ARSJ: variants seen among roughly 807,000 people sequenced by gnomAD.
The protein encoded by ARSJ is arylsulfatase J.
A neutral mutation model predicts 35.9 loss-of-function variants in ARSJ; 26 were observed. The ratio of observed to expected loss-of-function variants is 0.72; its 90% CI spans 0.53 to 1.00. ARSJ has a LOEUF of 1.00. Among genes scored for constraint, ARSJ ranks in the 50% least tolerant of loss-of-function variants. The probability of loss-of-function intolerance (pLI) is 0.00; values close to 1 mark genes in which losing one functional copy is unlikely to be tolerated. For synonymous variants in ARSJ, 294 were observed against 267.6 expected, an observed-to-expected ratio of 1.10 and a Z score of -0.96; for missense variants, 667 against 723.6, an observed-to-expected ratio of 0.92 and a Z score of 0.90.
At position 113,902,562 on chromosome 4, in the gene ARSJ, C is replaced by T. The variant is rs1282021757; in HGVS notation, c.1512G>A (p.Glu504=). The T allele has an allele frequency of 2.5e-6, 4 of 1,614,166 alleles. No homozygotes were observed. Among genetic ancestry groups the T allele is most frequent in the Non-Finnish European group, 3.4e-6 (4 of 1,180,028 alleles). Residue 504 remains glutamate, a synonymous_variant, in exon 2 of 2, where the codon GAG becomes GAA. Transcript: ENST00000315366. ...WLFNITADPY[E]RVDLSNRYPG... ...GATACCTGTTAGATAGGTCCACCCTCTCATATGGGTCGGCTGTGATGTTGA... is the reference window on the plus strand; with the variant it reads ...GATACCTGTTAGATAGGTCCACCCTTTCATATGGGTCGGCTGTGATGTTGA...
intron 1 of ARSJ, among the ~76,000 whole-genome samples, chr4:113,915,691 A>G (rs921330059): frequency 1.3e-5 from 2 of 152,202 alleles, no homozygotes; most frequent in Admixed American, 6.5e-5. Context: ...TTGCCTTGAA[A>G]TACCTCCAGG....
At chr4:113,971,578 T>C (rs1253770653) in intron 1 of ARSJ, among the ~76,000 whole-genome samples, 1 of 152,234 alleles carries the variant, frequency 6.6e-6, no homozygotes, top group Non-Finnish European at 1.5e-5. Flanking sequence ...TGAGCCATTC[T>C]TTTTGAAATG....
chr4:113,932,071 T>C (rs771897221), intron 1 of ARSJ, among the ~76,000 whole-genome samples: 7 of 152,064 alleles, frequency 4.6e-5, no homozygotes, highest in South Asian at 2.1e-4. Flanking sequence ...TCTATACTTA[T>C]ATCAGATAAA....
intron 1 of ARSJ, among the ~76,000 whole-genome samples, chr4:113,908,477 T>TA (rs1383797210): frequency 1.3e-5 from 2 of 152,244 alleles, no homozygotes; most frequent in Non-Finnish European, 2.9e-5. Context: ...ATCCATTTTT[T>TA]ACACGTCAGC....
chr4:113,910,916 T>A (rs2099670239), intron 1 of ARSJ, among the ~76,000 whole-genome samples: 1 of 152,126 alleles, frequency 6.6e-6, no homozygotes, highest in Non-Finnish European at 1.5e-5. Flanking sequence ...ATTTTATAAG[T>A]GCTCATAGTA....
chr4:113,919,866 C>T (rs560984282), intron 1 of ARSJ, among the ~76,000 whole-genome samples: 3 of 152,108 alleles, frequency 2.0e-5, no homozygotes, highest in Admixed American at 2.0e-4. Context: ...CTGAAAAAGG[C>T]TAAGAAATGT....
intron 1 of ARSJ, among the ~76,000 whole-genome samples, chr4:113,955,278 C>A (rs1377589937): frequency 3.3e-5 from 5 of 151,904 alleles, no homozygotes; most frequent in Non-Finnish European, 7.4e-5. Flanking sequence ...GATACAGTTA[C>A]CTTCTCCTCA....
chr4:113,925,769 G>C (rs1442008939), intron 1 of ARSJ, among the ~76,000 whole-genome samples: 1 of 152,104 alleles, frequency 6.6e-6, no homozygotes, highest in Non-Finnish European at 1.5e-5. Context: ...CCCATATCTG[G>C]AGTAAATGTC....
rs142455943 is a variant in ARSJ at position 113,948,532 on chromosome 4, C to T, written c.398+29905G>A. Reference sequence around the variant, plus strand: ...TTATTTTAAAACTAAACCACTTATCCTTTATTATGCTACGATAATAGTTGC... The same window carrying T: ...TTATTTTAAAACTAAACCACTTATCTTTTATTATGCTACGATAATAGTTGC... On this transcript the variant is annotated intron_variant, in intron 1 of 1. Coordinates refer to ENST00000315366, the MANE Select transcript of ARSJ (RefSeq NM_024590.4). Among the ~76,000 whole-genome samples the T allele has an allele frequency of 5.5e-3, 832 of 152,080 alleles. 3 individuals are homozygous for T. Among genetic ancestry groups the T allele is most frequent in the Non-Finnish European group, 8.5e-3 (575 of 67,968 alleles).
intron 1 of ARSJ, among the ~76,000 whole-genome samples, chr4:113,917,323 T>C (rs975759059): frequency 1.3e-5 from 2 of 152,148 alleles, no homozygotes; most frequent in African/African-American, 2.4e-5. Context: ...TCCAAAACTG[T>C]CACCTCCATA....
rs765270445 is a variant in ARSJ, at chr4:113,902,631, G to T, written c.1443C>A (p.His481Gln). 1 of 1,614,156 alleles carries T rather than the reference G, an allele frequency of 6.2e-7. No homozygotes were observed. Among genetic ancestry groups the T allele is most frequent in the Admixed American group, 1.7e-5 (1 of 60,018 alleles). ...CAGTTGACAAGGTGATCCGTTCATTGTGCCACCGGTTCGGTCCCAGGTTGC... is the reference window on the plus strand; with the variant it reads ...CAGTTGACAAGGTGATCCGTTCATTTTGCCACCGGTTCGGTCCCAGGTTGC... ...SFSNLGPNRW[H>Q]NERITLSTGK... Residue 481 changes from histidine to glutamine, a missense_variant, in exon 2 of 2, where the codon CAC becomes CAA. Physicochemically the swap from His to Gln is conservative, Grantham distance 24 (BLOSUM62 0). Transcript: ENST00000315366.
chr4:113,974,242 T>C (rs564869973), intron 1 of ARSJ, among the ~76,000 whole-genome samples: 1 of 151,052 alleles, frequency 6.6e-6, no homozygotes, highest in Non-Finnish European at 1.5e-5. Flanking sequence ...AAATAGGACA[T>C]AAAAAGAAAA....
intron 1 of ARSJ, among the ~76,000 whole-genome samples, chr4:113,914,352 AT>A (rs1723146121): frequency 6.6e-6 from 1 of 152,182 alleles, no homozygotes; most frequent in African/African-American, 2.4e-5. Flanking sequence ...AGTTATCCTA[AT>A]ATGGACAGGA....
chr4:113,932,449 T>G (rs974300206), intron 1 of ARSJ, among the ~76,000 whole-genome samples: 9 of 152,052 alleles, frequency 5.9e-5, no homozygotes, highest in African/African-American at 1.9e-4. Context: ...AATAGGCCAT[T>G]TCTTAGACAA....
intron 1 of ARSJ, among the ~76,000 whole-genome samples, chr4:113,915,706 A>G (rs931492722): frequency 6.6e-6 from 1 of 152,176 alleles, no homozygotes; most frequent in African/African-American, 2.4e-5. Flanking sequence ...TCCAGGATGA[A>G]ATTCTCCCCA....
intron 1 of ARSJ, chr4:113,906,847 T>C (rs1338467273): frequency 5.0e-6 from 2 of 399,152 alleles, no homozygotes; most frequent in African/African-American, 2.1e-5. Context: ...GCTTTAACAA[T>C]TATCCCAGAA....
At position 113,901,889 on chromosome 4, in the gene ARSJ, GGATGGTATA is replaced by G. The variant is rs2099667189; in HGVS notation, c.*376_*384del. On this transcript the variant is annotated 3_prime_UTR_variant, in exon 2 of 2. Transcript: ENST00000315366. Reference sequence around the variant, plus strand: ...ACTTCCATCAAATTAGCATGCTTGCGGATGGTATACCCTGTAACTTCCATCAAATTAGCA... The same window carrying G: ...ACTTCCATCAAATTAGCATGCTTGCGCCCTGTAACTTCCATCAAATTAGCA... The G allele has an allele frequency of 2.5e-5, 1 of 39,572 alleles. No homozygotes were observed. Among genetic ancestry groups the G allele is most frequent in the Admixed American group, 3.7e-4 (1 of 2,708 alleles). 2.5% of individuals were successfully genotyped at this position (39,572 alleles called of 1,614,324 possible).
chr4:113,954,588 C>T (rs1262980055), intron 1 of ARSJ, among the ~76,000 whole-genome samples: 1 of 152,086 alleles, frequency 6.6e-6, no homozygotes, highest in Non-Finnish European at 1.5e-5. Flanking sequence ...TCACATCTAT[C>T]TCCCTTAACT....
intron 1 of ARSJ, among the ~76,000 whole-genome samples, chr4:113,972,933 CT>C (rs2110337867): frequency 6.6e-6 from 1 of 152,270 alleles, no homozygotes; most frequent in South Asian, 2.1e-4. Flanking sequence ...TCTTGTCTCC[CT>C]TTAAAAGCTC....
Sources: allele counts gnomAD v4.1 joint callset (sites outside exome capture counted in the v4.1 genomes callset), GRCh38; gene constraint gnomAD v4.1.1; transcripts MANE v1.5; gene names NCBI Gene and HGNC (gene_info 2026-07-23, HGNC 2026-07-21).